The following SPTAN1 variants were observed in gnomAD, a reference collection of about 807,000 sequenced individuals.
SPTAN1 encodes the protein spectrin alpha chain, non-erythrocytic 1.
Under a neutral mutation model 331.3 loss-of-function variants are expected in SPTAN1, and 61 were observed. The observed-to-expected ratio is 0.18, with a 90% confidence interval of 0.15 to 0.23. SPTAN1 has a LOEUF of 0.23. Ranked by LOEUF, SPTAN1 falls within the 10% of genes least tolerant of loss-of-function variation. SPTAN1 has a pLI of 1.00. For missense variants in SPTAN1, 2,043 were observed against 3,147.9 expected, an observed-to-expected ratio of 0.65 and a Z score of 8.40; for synonymous variants, 1,153 against 1,173.9, an observed-to-expected ratio of 0.98 and a Z score of 0.36.
chr9:128,605,813 G>T (rs368593108), intron 31 of SPTAN1, among the ~76,000 whole-genome samples: 1 of 152,144 alleles, frequency 6.6e-6, no homozygotes. Flanking sequence ...CCAACATGGC[G>T]AAATGCCGTC....
Position 128,633,477 on chromosome 9 carries a change from T to C in SPTAN1, c.*143T>C. On this transcript the variant is annotated 3_prime_UTR_variant, in exon 57 of 57. Coordinates refer to ENST00000372739, the MANE Select transcript of SPTAN1 (RefSeq NM_001130438.3). The stretch of plus-strand genomic sequence containing the variant: ...GACTTAGGAGAAAATGGTGCTTCAC[T>C]AACCCGCTTCCGGTCCAGTCACAAT... The C allele has an allele frequency of 7.1e-7, 1 of 1,399,226 alleles. No individual in the cohort carries two copies. Among genetic ancestry groups the C allele is most frequent in the South Asian group, 1.2e-5 (1 of 85,292 alleles). The allele number at this position is 1,399,226 out of a possible 1,614,324, so 86.7% of individuals were successfully genotyped here.
At chr9:128,624,778 A>G in intron 46 of SPTAN1, 6 of 565,134 alleles carry the variant, frequency 1.1e-5, no homozygotes, top group Middle Eastern at 4.8e-4. Context: ...TTGGCACAGC[A>G]AAGGCACCAC....
intron 27 of SPTAN1, among the ~76,000 whole-genome samples, chr9:128,601,830 C>A (rs1855189503): frequency 6.6e-6 from 1 of 152,170 alleles, no homozygotes; most frequent in South Asian, 2.1e-4. Context: ...TTGTGGCCTC[C>A]TTCCCCCACT....
intron 34 of SPTAN1, among the ~76,000 whole-genome samples, chr9:128,608,598 A>G (rs541049143): frequency 2.0e-5 from 3 of 152,298 alleles, no homozygotes; most frequent in Non-Finnish European, 2.9e-5. Context: ...GCATTTTCCT[A>G]TTATCAGGCT....
intron 45 of SPTAN1, among the ~76,000 whole-genome samples, chr9:128,622,293 C>CTTTT (rs35122170): frequency 8.4e-4 from 77 of 91,500 alleles, no homozygotes; most frequent in East Asian, 1.4e-3. Flanking sequence ...GAGCCAGCTG[C>CTTTT]TTTTTTTTTT....
intron 4 of SPTAN1, 120 bp from the exon 5 acceptor site, chr9:128,575,079 A>T: frequency 6.9e-7 from 1 of 1,444,138 alleles, no homozygotes. Context: ...AACCACAGAC[A>T]AAACTGTATC....
At chr9:128,562,992 GTA>G (rs1168781290) in intron 1 of SPTAN1, among the ~76,000 whole-genome samples, 17 of 3,116 alleles carry the variant, frequency 5.5e-3, no homozygotes, top group African/African-American at 6.7e-3. Context: ...ACATGTATGT[GTA>G]TATATATATA....
intron 3 of SPTAN1, among the ~76,000 whole-genome samples, chr9:128,573,033 G>T (rs1215245390): frequency 3.3e-5 from 5 of 152,240 alleles, no homozygotes; most frequent in Middle Eastern, 3.4e-3. Context: ...TGGTTTTCAG[G>T]TTTTCATTTT....
chr9:128,600,972 G>GTTTTTTTTTTTTTTTTT (rs1474161366), intron 27 of SPTAN1, among the ~76,000 whole-genome samples: 1 of 22,226 alleles, frequency 4.5e-5, no homozygotes, highest in Non-Finnish European at 1.2e-4. Context: ...CAGGGAGAAA[G>GTTTTTTTTTTTTTTTTT]TCTTTTTTTT....
chr9:128,576,194 A>G (rs1220594013), intron 5 of SPTAN1, among the ~76,000 whole-genome samples: 2 of 152,156 alleles, frequency 1.3e-5, no homozygotes, highest in East Asian at 1.9e-4. Flanking sequence ...ATTACTTTGT[A>G]TCATATTTTT....
chr9:128,598,954 T>C lies in SPTAN1; in HGVS notation c.3520-9T>C. On this transcript the variant is annotated splice_polypyrimidine_tract_variant and intron_variant, in intron 25 of 56. Coordinates refer to ENST00000372739, the MANE Select transcript of SPTAN1 (RefSeq NM_001130438.3). ...TAATAATAAAACTGGTTTCTCTCTC[T>C]CCTTGTAGGAAGTGTATGGCATGAT... 1.9e-6 allele frequency: 3 copies of C among 1,613,728 alleles called. No homozygotes were observed. Among genetic ancestry groups the C allele is most frequent in the Non-Finnish European group, 2.5e-6 (3 of 1,179,592 alleles).
chr9:128,555,400 G>A (rs1001477825), intron 1 of SPTAN1: 20 of 1,289,388 alleles, frequency 1.6e-5, no homozygotes, highest in Non-Finnish European at 2.0e-5. Context: ...CAGAGTCCAG[G>A]TATTTGACGA....
intron 3 of SPTAN1, 61 bp downstream of exon 3, chr9:128,568,958 G>C: frequency 6.2e-7 from 1 of 1,608,834 alleles, no homozygotes; most frequent in African/African-American, 1.3e-5. Context: ...GTAGATTCAT[G>C]CATACATGTC....
At chr9:128,574,425 T>G (rs929331237) in intron 3 of SPTAN1, among the ~76,000 whole-genome samples, 5 of 151,604 alleles carry the variant, frequency 3.3e-5, no homozygotes, top group Non-Finnish European at 5.9e-5. Flanking sequence ...CTAGAGTAAA[T>G]CTACCTGTGA....
rs371795692 is a variant in SPTAN1, at chr9:128,616,893, C to T, written c.5358-747C>T. Among the ~76,000 whole-genome samples, 6 of 152,168 alleles carry T rather than the reference C, an allele frequency of 3.9e-5. No individual in the cohort carries two copies. The East Asian group carries it at 7.8e-4, about 20-fold the overall frequency. On this transcript the variant is annotated intron_variant, in intron 41 of 56. Transcript: ENST00000372739. The stretch of plus-strand genomic sequence containing the variant: ...ATTTCAGTGAGCCAAGATCGTGCCA[C>T]TGCACTCCATCCTAGGCGACAGAGC...
At chr9:128,565,289 G>C (rs1377611388) in intron 1 of SPTAN1, among the ~76,000 whole-genome samples, 1 of 152,122 alleles carries the variant, frequency 6.6e-6, no homozygotes, top group Non-Finnish European at 1.5e-5. Flanking sequence ...GACTGAGCGA[G>C]ACTCCGTCTC....
intron 35 of SPTAN1, 41 bp downstream of exon 35, chr9:128,609,018 A>T (rs1205869244): frequency 1.2e-6 from 2 of 1,608,694 alleles, no homozygotes; most frequent in Non-Finnish European, 1.7e-6. Context: ...CAGCCCTGAG[A>T]GGATGCATCC....
At position 128,584,908 on chromosome 9, in the gene SPTAN1, G is replaced by A. The variant is rs1034853161; in HGVS notation, c.2560+65G>A. On this transcript the variant is annotated intron_variant, in intron 18 of 56. Transcript: ENST00000372739. ...CTCGTGTCTCCCCTTCTTGCCGAGG[G>A]CATGGCCACGTGGGCATCACAAACC... The A allele has an allele frequency of 3.2e-5, 52 of 1,605,240 alleles. No homozygotes were observed. The African/African-American group carries it at 6.3e-4, about 19-fold the overall frequency.
rs1244807560 is a variant in SPTAN1, at chr9:128,585,673, G to A, written c.2561-75G>A. The A allele has an allele frequency of 3.1e-6, 4 of 1,282,668 alleles. No individual in the cohort carries two copies. The African/African-American group carries it at 5.8e-5, about 19-fold the overall frequency. 79.5% of individuals were successfully genotyped at this position (1,282,668 alleles called of 1,614,324 possible). ...GTAATGAAAGTGCCGTGAACACACA[G>A]AGAAAACTTATTTTTGTCCTTCTGT... is the stretch of plus-strand genomic sequence containing the variant. On this transcript the variant is annotated intron_variant, in intron 18 of 56. Transcript: ENST00000372739.
Sources: gnomAD v4.1 joint callset for allele counts (sites outside exome capture counted in the v4.1 genomes callset) on GRCh38, gnomAD v4.1.1 for gene constraint, MANE v1.5 for transcripts, NCBI Gene and HGNC (gene_info 2026-07-23, HGNC 2026-07-21) for gene names.